PLPP4: variants seen among roughly 807,000 people sequenced by gnomAD.
PLPP4 encodes phospholipid phosphatase 4.
PLPP4 carries 20 observed loss-of-function variants against 32.2 expected under a neutral mutation model. That is an observed-to-expected ratio of 0.62 (90% confidence interval 0.44 to 0.90). The LOEUF is 0.90. Ranked by LOEUF, PLPP4 falls within the 40% of genes least tolerant of loss-of-function variation. PLPP4 has a pLI of 0.00. For missense variants in PLPP4, 257 were observed against 353.1 expected (o/e 0.73, Z 2.18); for synonymous variants, 127 against 133.0 (o/e 0.95, Z 0.31).
At position 120,520,958 on chromosome 10, in the gene PLPP4, GT is replaced by G. The variant is rs758819409; in HGVS notation, c.321-12del. On this transcript the variant is annotated splice_polypyrimidine_tract_variant and intron_variant, in intron 4 of 6. Transcript: ENST00000398250. ...GCATTTTATATTGAAAATGTCCATG[GT>G]GTCTTTTGTAGACCTCGCCCCGATT... The G allele has an allele frequency of 6.2e-7, 1 of 1,613,994 alleles. No individual in the cohort carries two copies. The highest frequency in any genetic ancestry group is 8.5e-7 in the Non-Finnish European group (1 of 1,179,960).
intron 5 of PLPP4, among the ~76,000 whole-genome samples, chr10:120,533,297 G>C (rs1846829245): frequency 1.3e-5 from 2 of 152,010 alleles, no homozygotes; most frequent in Admixed American, 1.3e-4. Context: ...TTTGCTTATT[G>C]GCCGTTTGTA....
chr10:120,472,710 G>C (rs1848572562), intron 1 of PLPP4, among the ~76,000 whole-genome samples: 1 of 151,564 alleles, frequency 6.6e-6, no homozygotes, highest in African/African-American at 2.4e-5. Context: ...TGGTTCTTCA[G>C]GTACATATAC....
chr10:120,508,162 G>A (rs1018025962), intron 2 of PLPP4, among the ~76,000 whole-genome samples: 1 of 152,156 alleles, frequency 6.6e-6, no homozygotes, highest in Non-Finnish European at 1.5e-5. Context: ...TTCTAAGGAA[G>A]GCAGAAATAA....
intron 1 of PLPP4, among the ~76,000 whole-genome samples, chr10:120,457,895 A>G (rs1473171768): frequency 6.6e-6 from 1 of 152,120 alleles, no homozygotes; most frequent in Non-Finnish European, 1.5e-5. Context: ...GTTGCTGTGG[A>G]GGCTTGAGAA....
chr10:120,476,247 C>T (rs1436210532), intron 1 of PLPP4, among the ~76,000 whole-genome samples: 1 of 152,216 alleles, frequency 6.6e-6, no homozygotes, highest in African/African-American at 2.4e-5. Context: ...CTCTCCAGCC[C>T]CAGGGCCAGC....
intron 1 of PLPP4, among the ~76,000 whole-genome samples, chr10:120,486,128 C>T (rs1488071219): frequency 3.9e-5 from 6 of 152,142 alleles, no homozygotes; most frequent in Admixed American, 6.5e-5. Flanking sequence ...ACTTGGTGTC[C>T]GGGTTGAGGC....
intron 1 of PLPP4, among the ~76,000 whole-genome samples, chr10:120,477,566 G>A (rs1589731123): frequency 6.6e-6 from 1 of 152,184 alleles, no homozygotes; most frequent in East Asian, 1.9e-4. Context: ...GGTCTGGACT[G>A]AGCTGGGTCT....
intron 2 of PLPP4, among the ~76,000 whole-genome samples, chr10:120,508,345 T>G (rs1485192766): frequency 6.6e-6 from 1 of 152,192 alleles, no homozygotes; most frequent in Non-Finnish European, 1.5e-5. Context: ...TAAAGTTGTC[T>G]TTATAATCAC....
At chr10:120,570,990 T>C (rs1183137363) in intron 5 of PLPP4, among the ~76,000 whole-genome samples, 1 of 152,056 alleles carries the variant, frequency 6.6e-6, no homozygotes, top group African/African-American at 2.4e-5. Flanking sequence ...AACAATCAGC[T>C]GCTACAAATA....
intron 5 of PLPP4, among the ~76,000 whole-genome samples, chr10:120,534,749 C>T (rs1846926789): frequency 6.6e-6 from 1 of 151,914 alleles, no homozygotes; most frequent in African/African-American, 2.4e-5. Context: ...AAATTTTTCC[C>T]TTCAGTTAAT....
intron 5 of PLPP4, among the ~76,000 whole-genome samples, chr10:120,546,159 A>G (rs1847607650): frequency 6.6e-6 from 1 of 152,118 alleles, no homozygotes; most frequent in Admixed American, 6.5e-5. Context: ...CAGCTTGCAG[A>G]TGGCCTTTTG....
At chr10:120,476,907 G>A (rs1353008655) in intron 1 of PLPP4, among the ~76,000 whole-genome samples, 1 of 152,044 alleles carries the variant, frequency 6.6e-6, no homozygotes, top group Non-Finnish European at 1.5e-5. Context: ...CCTTCTTCTT[G>A]CCCCTGTCTT....
intron 5 of PLPP4, among the ~76,000 whole-genome samples, chr10:120,535,875 G>T (rs989390676): frequency 6.6e-6 from 1 of 151,970 alleles, no homozygotes; most frequent in East Asian, 1.9e-4. Context: ...ATTTTGTGTG[G>T]TTTTCTTTTA....
At chr10:120,477,042 T>G (rs529682628) in intron 1 of PLPP4, among the ~76,000 whole-genome samples, 44 of 152,324 alleles carry the variant, frequency 2.9e-4, no homozygotes, top group African/African-American at 9.6e-4. Context: ...GCTTCTTTCT[T>G]AAATCCAGTC....
At chr10:120,504,127 C>T (rs1179840084) in intron 2 of PLPP4, among the ~76,000 whole-genome samples, 2 of 152,220 alleles carry the variant, frequency 1.3e-5, no homozygotes, top group African/African-American at 2.4e-5. Flanking sequence ...TAGAAATGCT[C>T]ATTCCCTGGT....
intron 1 of PLPP4, among the ~76,000 whole-genome samples, chr10:120,497,077 G>T (rs188283939): frequency 4.6e-5 from 7 of 152,202 alleles, no homozygotes; most frequent in Non-Finnish European, 8.8e-5. Context: ...AAGGCCTGGA[G>T]AGCCCCCAGT....
intron 6 of PLPP4, among the ~76,000 whole-genome samples, chr10:120,576,861 CA>C (rs1849246978): frequency 6.6e-6 from 1 of 152,214 alleles, no homozygotes; most frequent in Non-Finnish European, 1.5e-5. Flanking sequence ...CACAGCCCCC[CA>C]TTGGAACTGG....
intron 2 of PLPP4, 24 bp from the exon 3 acceptor site, chr10:120,513,887 G>A (rs1217666077): frequency 1.3e-6 from 2 of 1,575,434 alleles, no homozygotes; most frequent in Admixed American, 1.7e-5. Flanking sequence ...GTCCTCATAA[G>A]GGATTGTTTG....
At chr10:120,571,166 A>AC (rs1480785226) in intron 5 of PLPP4, among the ~76,000 whole-genome samples, 1 of 151,196 alleles carries the variant, frequency 6.6e-6, no homozygotes, top group Non-Finnish European at 1.5e-5. Context: ...GAGCAAATGA[A>AC]CAAGTTTGTC....
Sources: gnomAD v4.1 joint callset for allele counts (sites outside exome capture counted in the v4.1 genomes callset) on GRCh38, gnomAD v4.1.1 for gene constraint, MANE v1.5 for transcripts, NCBI Gene and HGNC (gene_info 2026-07-23, HGNC 2026-07-21) for gene names.